The following DYTN variants were observed in gnomAD, a reference collection of about 807,000 sequenced individuals.
DYTN encodes dystrotelin.
A neutral mutation model predicts 69.6 loss-of-function variants in DYTN; 75 were observed. The observed-to-expected ratio is 1.08, with a 90% confidence interval of 0.89 to 1.31. The LOEUF (loss-of-function observed/expected upper bound fraction) is 1.31. Ranked by LOEUF, DYTN falls within the 50% of genes most tolerant of loss-of-function variation. The pLI, the probability that DYTN is intolerant of heterozygous loss-of-function variation, is 0.00. For synonymous variants in DYTN, 252 were observed against 249.1 expected (o/e 1.01, Z -0.11); for missense variants, 726 against 688.4 (o/e 1.05, Z -0.61).
intron 1 of DYTN, 129 bp downstream of exon 1, chr2:206,718,132 C>G: frequency 2.3e-6 from 2 of 887,772 alleles, no homozygotes; most frequent in Non-Finnish European, 3.2e-6. Context: ...AATCAAATAA[C>G]AGTTTCTTTT....
intron 9 of DYTN, chr2:206,678,899 G>T (rs1699719802): frequency 6.6e-6 from 1 of 152,032 alleles, no homozygotes; most frequent in African/African-American, 2.4e-5. Flanking sequence ...TTTTTCCTTG[G>T]TCATATGAAC....
At chr2:206,654,900 A>G (rs182066913) in intron 11 of DYTN, among the ~76,000 whole-genome samples, 31 of 152,318 alleles carry the variant, frequency 2.0e-4, no homozygotes, top group Non-Finnish European at 4.3e-4. Context: ...TCGTACATAT[A>G]AGATCATGGC....
intron 10 of DYTN, among the ~76,000 whole-genome samples, chr2:206,664,292 A>G: frequency 6.6e-6 from 1 of 152,324 alleles, no homozygotes; most frequent in South Asian, 2.1e-4. Context: ...TATTTGTCAA[A>G]CAGTTTCTCA....
intron 5 of DYTN, 96 bp downstream of exon 5, chr2:206,704,747 A>C: frequency 9.4e-7 from 1 of 1,059,258 alleles, no homozygotes; most frequent in Non-Finnish European, 1.4e-6. Context: ...GTTATATATA[A>C]AGATAGACTT....
intron 6 of DYTN, 85 bp downstream of exon 6, chr2:206,700,060 T>C (rs1218342686): frequency 6.3e-7 from 1 of 1,576,714 alleles, no homozygotes; most frequent in Non-Finnish European, 8.7e-7. Flanking sequence ...GGAGTAATAA[T>C]AGGTCTGTAA....
intron 11 of DYTN, among the ~76,000 whole-genome samples, chr2:206,658,623 C>A (rs1699474133): frequency 6.6e-6 from 1 of 152,126 alleles, no homozygotes; most frequent in African/African-American, 2.4e-5. Context: ...AGCCCAGTCC[C>A]TTGGACAGCC....
At chr2:206,655,905 T>G (rs1293728466) in intron 11 of DYTN, among the ~76,000 whole-genome samples, 1 of 152,240 alleles carries the variant, frequency 6.6e-6, no homozygotes, top group Non-Finnish European at 1.5e-5. Flanking sequence ...TGCATTAACA[T>G]ATGATCTATC....
At chr2:206,710,807 C>A (rs1274473282) in intron 1 of DYTN, among the ~76,000 whole-genome samples, 1 of 151,908 alleles carries the variant, frequency 6.6e-6, no homozygotes, top group Non-Finnish European at 1.5e-5. Context: ...CCTTCTCAGT[C>A]CACCAAAAAG....
At chr2:206,716,168 G>C (rs1426187459) in intron 1 of DYTN, among the ~76,000 whole-genome samples, 2 of 152,164 alleles carry the variant, frequency 1.3e-5, no homozygotes, top group African/African-American at 4.8e-5. Flanking sequence ...TCAAGGTACA[G>C]TGCCTTGATT....
Position 206,663,165 on chromosome 2 carries a change from C to A in DYTN, c.1371G>T (p.Glu457Asp). ...EHALRNPESP[E>D]TTLHSTRAQS... ...GTGCCCTGGTGCTGTGCAAAGTGGT[C>A]TCTGGTGATTCTGGATTTCGCAGAG... The change falls in exon 11 of 12, where the codon GAG becomes GAT. Residue 457 changes from glutamate (E) to aspartate (D), a missense_variant. Glu to Asp is a conservative substitution (Grantham distance 45). Coordinates refer to ENST00000452335, the MANE Select transcript of DYTN (RefSeq NM_001093730.1). 2 of 1,613,910 alleles carry A rather than the reference C, an allele frequency of 1.2e-6. No homozygotes were observed.
At chr2:206,690,879 C>A (rs771988752) in intron 9 of DYTN, among the ~76,000 whole-genome samples, 1 of 152,240 alleles carries the variant, frequency 6.6e-6, no homozygotes, top group Admixed American at 6.5e-5. Flanking sequence ...GGCTGGAACA[C>A]AGAGACTGTG....
intron 4 of DYTN, chr2:206,705,148 G>A (rs1700012955): frequency 3.6e-6 from 2 of 555,128 alleles, no homozygotes; most frequent in Non-Finnish European, 3.2e-6. Flanking sequence ...CCAGGTTAGA[G>A]TGCAATGGCA....
At chr2:206,702,076 C>A (rs1329071164) in intron 5 of DYTN, among the ~76,000 whole-genome samples, 3 of 152,182 alleles carry the variant, frequency 2.0e-5, no homozygotes, top group Non-Finnish European at 4.4e-5. Flanking sequence ...CACAGCCCGA[C>A]CTTACATATA....
At position 206,714,081 on chromosome 2, in the gene DYTN, C is replaced by T. The variant is rs182545547; in HGVS notation, c.20-3483G>A. 3.3e-5 allele frequency among the ~76,000 whole-genome samples: 5 copies of T among 152,328 alleles called. No homozygotes were observed. The East Asian group carries it at 9.6e-4, about 29-fold the overall frequency. ...GACATTCATTTTTGTCTCGTTCTTG[C>T]AGCAAGGGGAGAATTTAAAGAATGG... On this transcript the variant is annotated intron_variant, in intron 1 of 11. Coordinates refer to ENST00000452335, the MANE Select transcript of DYTN (RefSeq NM_001093730.1).
intron 3 of DYTN, among the ~76,000 whole-genome samples, 188 bp from the exon 4 acceptor site, chr2:206,706,061 G>C (rs1700022262): frequency 6.6e-6 from 1 of 152,124 alleles, no homozygotes; most frequent in African/African-American, 2.4e-5. Context: ...TATTTCACCA[G>C]TCATTTATTT....
At chr2:206,659,597 T>G (rs568614152) in intron 11 of DYTN, among the ~76,000 whole-genome samples, 6 of 152,200 alleles carry the variant, frequency 3.9e-5, no homozygotes, top group African/African-American at 9.6e-5. Context: ...TACTTTGATT[T>G]TGCTTGTTTC....
At chr2:206,696,977 G>A (rs1195549520) in intron 7 of DYTN, among the ~76,000 whole-genome samples, 1 of 152,086 alleles carries the variant, frequency 6.6e-6, no homozygotes, top group African/African-American at 2.4e-5. Flanking sequence ...TATCCTCCTG[G>A]CCTTGCAAAA....
intron 9 of DYTN, among the ~76,000 whole-genome samples, chr2:206,674,646 T>G (rs1409553636): frequency 6.6e-6 from 1 of 152,100 alleles, no homozygotes; most frequent in Non-Finnish European, 1.5e-5. Context: ...ATATTCTGAT[T>G]CATAAATGTT....
chr2:206,699,978 C>T, intron 6 of DYTN, 88 bp from the exon 7 acceptor site: 2 of 1,550,274 alleles, frequency 1.3e-6, no homozygotes, highest in South Asian at 1.2e-5. Context: ...GTCAGTTCTG[C>T]TGAAGAAGTT....
Sources: gnomAD v4.1 joint callset for allele counts (sites outside exome capture counted in the v4.1 genomes callset) on GRCh38, gnomAD v4.1.1 for gene constraint, MANE v1.5 for transcripts, NCBI Gene and HGNC (gene_info 2026-07-23, HGNC 2026-07-21) for gene names.